The following LRRC45 variants were observed in gnomAD, a reference collection of about 807,000 sequenced individuals.
The protein encoded by LRRC45 is leucine-rich repeat-containing protein 45.
LRRC45 carries 73 observed loss-of-function variants against 85.4 expected under a neutral mutation model. The ratio of observed to expected loss-of-function variants is 0.85; its 90% CI spans 0.71 to 1.04. The LOEUF (loss-of-function observed/expected upper bound fraction) is 1.04. Among genes scored for constraint, LRRC45 ranks in the 50% least tolerant of loss-of-function variants. The probability of loss-of-function intolerance (pLI) is 0.00; values close to 1 mark genes in which losing one functional copy is unlikely to be tolerated. For synonymous variants in LRRC45, 429 were observed against 386.0 expected (o/e 1.11, Z -1.31); for missense variants, 937 against 883.3 (o/e 1.06, Z -0.77).
intron 12 of LRRC45, 79 bp downstream of exon 12, chr17:82,028,762 G>A: frequency 6.8e-7 from 1 of 1,460,040 alleles, no homozygotes; most frequent in Non-Finnish European, 9.3e-7. Flanking sequence ...CACACACCTG[G>A]TGGGAGCTTC....
intron 3 of LRRC45, 116 bp from the exon 4 acceptor site, chr17:82,024,884 A>G: frequency 7.0e-7 from 1 of 1,435,340 alleles, no homozygotes; most frequent in Non-Finnish European, 9.2e-7. Flanking sequence ...ATACGTTGGC[A>G]GGGGTAGGCA....
rs552861630 is a variant in LRRC45, at chr17:82,029,038, G to C, written c.1309-55G>C. The C allele has an allele frequency of 1.1e-5, 17 of 1,524,900 alleles. No homozygotes were observed. In the South Asian group the frequency reaches 1.9e-4, roughly 17 times the overall value. 94.5% of individuals were successfully genotyped at this position (1,524,900 alleles called of 1,614,324 possible). On this transcript the variant is annotated intron_variant, in intron 12 of 16. Transcript: ENST00000306688. ...TTTCAGGGTGGGGAGTCCGTGAGGA[G>C]AAGGTAGGGAGGCCCGCTCTCCACT... is the stretch of plus-strand genomic sequence containing the variant.
rs574976918 is a variant in LRRC45, at chr17:82,028,845, T to C, written c.1308+162T>C. 5.2e-4 allele frequency: 455 copies of C among 872,060 alleles called. 4 individuals carry two copies. The highest frequency in any genetic ancestry group is 2.3e-3 in the South Asian group (131 of 57,240). The allele number at this position is 872,060 out of a possible 1,614,324, so 54.0% of individuals were successfully genotyped here. On this transcript the variant is annotated intron_variant, in intron 12 of 16. Transcript: ENST00000306688. ...CGGATGTCAGACCCAGAACCTCCTA[T>C]TGGGGGCGGCGGGGGGACCCCGGCA...
chr17:82,027,429 T>C lies in LRRC45; in HGVS notation c.818T>C (p.Met273Thr), dbSNP rs1390134324. The change falls in exon 7 of 17, where the codon ATG (methionine) becomes ACG (threonine). Residue 273 changes from methionine to threonine, a missense_variant. By Grantham distance (81) the Met-to-Thr change is moderately conservative. Transcript: ENST00000306688. The part of the protein sequence containing the change: ...METIDKQREE[M>T]AKSSRASAAR... Reference sequence around the variant, plus strand: ...ACTATTGATAAGCAGCGAGAAGAGATGGCCAAGAGCAGCAGGTGAGCGGGC... The same window carrying C: ...ACTATTGATAAGCAGCGAGAAGAGACGGCCAAGAGCAGCAGGTGAGCGGGC... 5.6e-6 allele frequency: 9 copies of C among 1,612,704 alleles called. No homozygotes were observed. The highest frequency in any genetic ancestry group is 4.5e-5 in the East Asian group (2 of 44,884).
At position 82,023,384 on chromosome 17, in the gene LRRC45, G is replaced by T; in HGVS notation, c.-260G>T. Reference sequence around the variant, plus strand: ...GCTGCAGGCGGGGCAGGGCTGGGTGGGGGCGCGCGACGCACCTGCCTGCTT... The same window carrying T: ...GCTGCAGGCGGGGCAGGGCTGGGTGTGGGCGCGCGACGCACCTGCCTGCTT... On this transcript the variant is annotated 5_prime_UTR_variant, in exon 1 of 17. Transcript: ENST00000306688. The T allele has an allele frequency of 2.0e-6, 1 of 498,058 alleles. No homozygotes were observed. The highest frequency in any genetic ancestry group is 3.5e-6 in the Non-Finnish European group (1 of 283,848). The allele number at this position is 498,058 out of a possible 1,614,324, so 30.9% of individuals were successfully genotyped here. A position where few individuals can be genotyped will look rare whatever the true frequency, so the allele number is the denominator to read the frequency against.
rs776165522 is a variant in LRRC45, at chr17:82,030,164, G to A, written c.1594G>A (p.Glu532Lys). 7.1e-6 allele frequency: 11 copies of A among 1,546,752 alleles called. No homozygotes were observed. Among genetic ancestry groups the A allele is most frequent in the African/African-American group, 1.4e-5 (1 of 72,992 alleles). ...ACLQQKQVVAEAQTRVSQLGL... is the reference protein window; with the variant it reads ...ACLQQKQVVAKAQTRVSQLGL... ...CCTACAGCAGAAGCAGGTGGTGGCCGAGGCCCAGACCCGGGTCAGCCAGCT... is the reference window on the plus strand; with the variant it reads ...CCTACAGCAGAAGCAGGTGGTGGCCAAGGCCCAGACCCGGGTCAGCCAGCT... Residue 532 changes from glutamate (E) to lysine (K), a missense_variant, in exon 15 of 17, where the codon GAG becomes AAG. Transcript: ENST00000306688.
At chr17:82,030,534 G>A in intron 16 of LRRC45, 68 bp downstream of exon 16, 3 of 1,509,700 alleles carry the variant, frequency 2.0e-6, no homozygotes, top group Non-Finnish European at 2.7e-6. Flanking sequence ...AGCGGGGCTG[G>A]CCAGGTCTCC....
At position 82,023,877 on chromosome 17, in the gene LRRC45, G is replaced by C. The variant is rs1358109752; in HGVS notation, c.220+14G>C. On this transcript the variant is annotated intron_variant, in intron 1 of 16. Transcript: ENST00000306688. ...TCAGCGAGGAAGGTGGGCAGGCGCG[G>C]CGGGGTGGATCCCTCTGCTCCTTAG... The C allele has an allele frequency of 3.2e-6, 5 of 1,547,168 alleles. No individual in the cohort carries two copies. The South Asian group carries it at 5.9e-5, about 18-fold the overall frequency.
In LRRC45 at chr17:82,028,013, T is replaced by C. The variant is rs1244151517; in HGVS notation, c.914T>C (p.Leu305Pro). The C allele has an allele frequency of 6.2e-7, 1 of 1,600,574 alleles. No individual in the cohort carries two copies. The highest frequency in any genetic ancestry group is 2.2e-5 in the East Asian group (1 of 44,718). The change falls in exon 9 of 17, where the codon CTG (leucine) becomes CCG (proline). Residue 305 changes from leucine (L) to proline (P), a missense_variant and splice_region_variant. Physicochemically the swap from Leu to Pro is moderately conservative, Grantham distance 98. Transcript: ENST00000306688. The stretch of plus-strand genomic sequence containing the variant: ...GGTGCTGCCCCTCCTTTCTGCAGGC[T>C]GCAGATGACAGAGGCCGCCCTGGCT... ...HSIINALKAK[L>P]QMTEAALALS...
intron 8 of LRRC45, 63 bp from the exon 9 acceptor site, chr17:82,027,948 G>A (rs959349689): frequency 3.7e-5 from 57 of 1,548,076 alleles, no homozygotes; most frequent in Non-Finnish European, 4.4e-5. Context: ...TGAAAGCAGC[G>A]AGGCCTTTAT....
chr17:82,027,653 C>T (rs1333170345), intron 7 of LRRC45, 21 bp from the exon 8 acceptor site: 1 of 1,604,640 alleles, frequency 6.2e-7, no homozygotes. Flanking sequence ...TTACTCTCTG[C>T]ACCCTCCTCT....
chr17:82,025,374 T>A lies in LRRC45; in HGVS notation c.533-5T>A, dbSNP rs2043359433. ...TCTGTCTGGTGACTACAGGTTTCCTTCCAGACCTGCGCTGGAATAACGTTG... is the reference window on the plus strand; with the variant it reads ...TCTGTCTGGTGACTACAGGTTTCCTACCAGACCTGCGCTGGAATAACGTTG... On this transcript the variant is annotated splice_polypyrimidine_tract_variant and splice_region_variant and intron_variant, in intron 4 of 16. Coordinates refer to ENST00000306688, the MANE Select transcript of LRRC45 (RefSeq NM_144999.4). 1.3e-6 allele frequency: 2 copies of A among 1,573,930 alleles called. No individual in the cohort carries two copies. Among genetic ancestry groups the A allele is most frequent in the Non-Finnish European group, 1.7e-6 (2 of 1,159,260 alleles).
intron 1 of LRRC45, 40 bp downstream of exon 1, chr17:82,023,903 C>CT: frequency 6.6e-7 from 1 of 1,508,694 alleles, no homozygotes; most frequent in Non-Finnish European, 8.9e-7. Flanking sequence ...TGCTCCTTAG[C>CT]TGCCCACACC....
Position 82,023,504 on chromosome 17 carries a change from G to A in LRRC45, c.-140G>A. 2 of 733,584 alleles carry A rather than the reference G, an allele frequency of 2.7e-6. No individual in the cohort carries two copies. Among genetic ancestry groups the A allele is most frequent in the South Asian group, 2.0e-5 (1 of 50,834 alleles). The allele number at this position is 733,584 out of a possible 1,614,324, so 45.4% of individuals were successfully genotyped here. On this transcript the variant is annotated 5_prime_UTR_variant, in exon 1 of 17. Coordinates refer to ENST00000306688, the MANE Select transcript of LRRC45 (RefSeq NM_144999.4). ...GCGCTCCCAGGACCTCCCGCCCGCG[G>A]AGCCCACTCGGATTGCTCTCCGCCC...
Position 82,028,679 on chromosome 17 carries a change from A to T in LRRC45, c.1304A>T (p.Lys435Met). 1 of 1,612,236 alleles carries T rather than the reference A, an allele frequency of 6.2e-7. No individual in the cohort carries two copies. The highest frequency in any genetic ancestry group is 8.5e-7 in the Non-Finnish European group (1 of 1,179,584). ...SLEDSESLRI[K>M]EVEHMTRHLE... ...GAGGACTCCGAAAGCCTGCGCATCA[A>T]GGAGGTGCCCTCTTCGTTGGCCTCT... The change falls in exon 12 of 17, where the codon AAG (lysine) becomes ATG (methionine). Residue 435 changes from lysine to methionine, a missense_variant. Transcript: ENST00000306688.
rs2043398373 is a variant in LRRC45, at chr17:82,029,538, T to C, written c.1402-5T>C. On this transcript the variant is annotated splice_polypyrimidine_tract_variant and splice_region_variant and intron_variant, in intron 13 of 16. Transcript: ENST00000306688. ...GAACGGGCTGGCAGGTGGCCATCTG[T>C]GCAGGAGCTGAGCCGAGTGAAAGCA... 3.2e-6 allele frequency: 5 copies of C among 1,563,534 alleles called. No homozygotes were observed. In the South Asian group the frequency reaches 5.9e-5, roughly 18 times the overall value.
chr17:82,027,257 C>T, intron 6 of LRRC45, 129 bp from the exon 7 acceptor site: 1 of 1,192,316 alleles, frequency 8.4e-7, no homozygotes, highest in Middle Eastern at 2.0e-4. Flanking sequence ...GTGAAGGAGA[C>T]AGGGCACCGT....
At chr17:82,024,195 G>A in intron 1 of LRRC45, 83 bp from the exon 2 acceptor site, 1 of 1,496,514 alleles carries the variant, frequency 6.7e-7, no homozygotes, top group Non-Finnish European at 9.1e-7. Flanking sequence ...CCTGGGTCTA[G>A]GGAGCTGCCC....
rs1321640720 is a variant in LRRC45 at position 82,028,502 on chromosome 17, G to A, written c.1231G>A (p.Ala411Thr). 2 of 1,612,410 alleles carry A rather than the reference G, an allele frequency of 1.2e-6. No individual in the cohort carries two copies. The highest frequency in any genetic ancestry group is 1.7e-6 in the Non-Finnish European group (2 of 1,179,830). ...SAELKMRAIQ[A>T]EERLDMEKRR... ...TGAGCTGAAGATGCGGGCCATCCAGGCCGAGGGTGGGCACGGGCAGGCCTG... is the reference window on the plus strand; with the variant it reads ...TGAGCTGAAGATGCGGGCCATCCAGACCGAGGGTGGGCACGGGCAGGCCTG... Residue 411 changes from alanine (A) to threonine (T), a missense_variant, in exon 11 of 17, where the codon GCC becomes ACC. Ala to Thr is a moderately conservative substitution (Grantham distance 58, BLOSUM62 0). Transcript: ENST00000306688.
Sources: gnomAD v4.1 joint callset for allele counts on GRCh38, gnomAD v4.1.1 for gene constraint, MANE v1.5 for transcripts, NCBI Gene and HGNC (gene_info 2026-07-23, HGNC 2026-07-21) for gene names.